The following CAND1 variants were observed in gnomAD, a reference collection of about 807,000 sequenced individuals.
CAND1 encodes the protein cullin-associated NEDD8-dissociated protein 1.
Under a neutral mutation model 108.5 loss-of-function variants are expected in CAND1, and 7 were observed. That is an observed-to-expected ratio of 0.06 (90% CI 0.04 to 0.12). CAND1 has a LOEUF of 0.12. Among genes scored for constraint, CAND1 ranks in the 10% least tolerant of loss-of-function variants. The pLI is 1.00. For synonymous variants in CAND1, 534 were observed against 512.0 expected (o/e 1.04, Z -0.58); for missense variants, 941 against 1,448.7 (o/e 0.65, Z 5.69).
At chr12:67,271,300 G>A (rs1437779142) in intron 1 of CAND1, among the ~76,000 whole-genome samples, 1 of 152,108 alleles carries the variant, frequency 6.6e-6, no homozygotes, top group Non-Finnish European at 1.5e-5. Flanking sequence ...TTTGATTTTT[G>A]GGGCTTTGCT....
chr12:67,282,958 A>G (rs989903504), intron 2 of CAND1, among the ~76,000 whole-genome samples: 2 of 152,166 alleles, frequency 1.3e-5, no homozygotes, highest in Non-Finnish European at 2.9e-5. Context: ...TTCTCAATAA[A>G]TTCCATTAAC....
chr12:67,289,960 A>C (rs2093458427), intron 2 of CAND1, among the ~76,000 whole-genome samples: 2 of 152,154 alleles, frequency 1.3e-5, no homozygotes, highest in African/African-American at 4.8e-5. Flanking sequence ...TTAAATTTTC[A>C]TGATGTTACT....
In CAND1 at chr12:67,310,022, T is replaced by A. The variant is rs933130892; in HGVS notation, c.3147T>A (p.Leu1049=). 1 of 1,612,582 alleles carries A rather than the reference T, an allele frequency of 6.2e-7. No homozygotes were observed. Among genetic ancestry groups the A allele is most frequent in the Non-Finnish European group, 8.5e-7 (1 of 1,178,896 alleles). ...SLIRDLLDTV[L]PHLYNETKVR... ...TAAGGGATCTATTGGATACTGTTCT[T>A]CCACATCTTTACAATGAAACAAAAG... Residue 1049 remains leucine (L), a synonymous_variant, in exon 12 of 15, where the codon CTT becomes CTA. Transcript: ENST00000545606.
At chr12:67,282,902 T>C (rs1230331745) in intron 2 of CAND1, among the ~76,000 whole-genome samples, 4 of 152,204 alleles carry the variant, frequency 2.6e-5, no homozygotes, top group Admixed American at 2.6e-4. Context: ...CTATGCATGA[T>C]GTTGGCAGTT....
intron 11 of CAND1, among the ~76,000 whole-genome samples, chr12:67,308,255 A>G (rs1212011323): frequency 2.6e-5 from 4 of 152,116 alleles, no homozygotes; most frequent in Non-Finnish European, 5.9e-5. Flanking sequence ...CCAGAAAGAA[A>G]AAAAATACAA....
chr12:67,319,665 A>G lies in CAND1; in HGVS notation c.*6835A>G, dbSNP rs1435237077. The G allele has an allele frequency of 6.6e-6, 1 of 152,208 alleles. No homozygotes were observed. Among genetic ancestry groups the G allele is most frequent in the Non-Finnish European group, 1.5e-5 (1 of 68,046 alleles). The allele number at this position is 152,208 out of a possible 1,614,324, so 9.4% of individuals were successfully genotyped here. ...AGGGCCGACTAGTCCAGCTGTTCAC[A>G]AACAGCCCTTAATGTCAAACTGAAT... On this transcript the variant is annotated 3_prime_UTR_variant, in exon 15 of 15. Transcript: ENST00000545606.
At chr12:67,304,065 C>T (rs1348557328) in intron 8 of CAND1, among the ~76,000 whole-genome samples, 2 of 150,626 alleles carry the variant, frequency 1.3e-5, no homozygotes, top group African/African-American at 2.4e-5. Context: ...TCTCGGCTCA[C>T]TGCAACCTCC....
Position 67,295,064 on chromosome 12 carries a change from G to C in CAND1, c.399G>C (p.Lys133Asn). The C allele has an allele frequency of 6.2e-7, 1 of 1,612,864 alleles. No homozygotes were observed. Among genetic ancestry groups the C allele is most frequent in the South Asian group, 1.1e-5 (1 of 90,980 alleles). ...CATTAGCTGCTAATGTATGTAAAAA[G>C]ATTACTGGACGTCTTACAAGTGCAA... is the stretch of plus-strand genomic sequence containing the variant. ...GSALAANVCK[K>N]ITGRLTSAIA... Residue 133 changes from lysine (K) to asparagine (N), a missense_variant, in exon 4 of 15, where the codon AAG (lysine) becomes AAC (asparagine). By Grantham distance (94) the Lys-to-Asn change is moderately conservative. Around this residue, in one of 9 missense-constraint regions of CAND1, gnomAD observed 697 missense variants for 942.0 expected, o/e 0.74. Coordinates refer to ENST00000545606, the MANE Select transcript of CAND1 (RefSeq NM_018448.5).
Position 67,295,206 on chromosome 12 carries a change from A to G in CAND1, c.491+50A>G, listed in dbSNP as rs376805802. 3.3e-6 allele frequency: 5 copies of G among 1,507,626 alleles called. No homozygotes were observed. In the African/African-American group the frequency reaches 4.2e-5, roughly 13 times the overall value. The allele number at this position is 1,507,626 out of a possible 1,614,324, so 93.4% of individuals were successfully genotyped here. A position where few individuals can be genotyped will look rare whatever the true frequency, so the allele number is the denominator to read the frequency against. On this transcript the variant is annotated intron_variant, in intron 4 of 14. Coordinates refer to ENST00000545606, the MANE Select transcript of CAND1 (RefSeq NM_018448.5). ...TACTCGTAATACAGATAACTACATT[A>G]ATTTACTAAAAACCCTTTCTAGTAA...
At chr12:67,281,054 A>G (rs949363018) in intron 1 of CAND1, among the ~76,000 whole-genome samples, 1 of 152,120 alleles carries the variant, frequency 6.6e-6, no homozygotes, top group Non-Finnish European at 1.5e-5. Context: ...CAGCCTGGGC[A>G]ACATGGTGAA....
At chr12:67,297,922 T>G (rs2136010177) in intron 6 of CAND1, 69 bp downstream of exon 6, 5 of 825,240 alleles carry the variant, frequency 6.1e-6, no homozygotes, top group South Asian at 5.1e-5. Context: ...AGGTCTACAT[T>G]AGGTGTGTGA....
Position 67,305,998 on chromosome 12 carries a change from G to A in CAND1, c.2330G>A (p.Arg777His), listed in dbSNP as rs763189890. The A allele has an allele frequency of 1.1e-5, 17 of 1,614,078 alleles. No individual in the cohort carries two copies. Among genetic ancestry groups the A allele is most frequent in the African/African-American group, 2.7e-5 (2 of 75,040 alleles). Residue 777 changes from arginine to histidine, a missense_variant, in exon 10 of 15, where the codon CGC becomes CAC. This residue lies in a region of CAND1 where 697 missense variants were observed against 942.0 expected (regional missense o/e 0.74). Coordinates refer to ENST00000545606, the MANE Select transcript of CAND1 (RefSeq NM_018448.5). The surrounding 1 kb of genome is among the most constrained non-coding windows in gnomAD (Gnocchi z 4.4). ...TNNLGYMDLL[R>H]MLTGPVYSQS... ...AATTTAGGATACATGGATTTGTTGC[G>A]CATGCTGACTGGTCCAGTTTACTCT...
At position 67,311,682 on chromosome 12, in the gene CAND1, A is replaced by T. The variant is rs1331576839; in HGVS notation, c.3361-11A>T. The T allele has an allele frequency of 1.3e-6, 2 of 1,507,882 alleles. No individual in the cohort carries two copies. Among genetic ancestry groups the T allele is most frequent in the African/African-American group, 1.4e-5 (1 of 72,670 alleles). 93.4% of individuals were successfully genotyped at this position (1,507,882 alleles called of 1,614,324 possible). ...GTCAAATCTAAATTCTGTCTTTTTT[A>T]TTCCTAATAGATGCTGACATTTTTA... On this transcript the variant is annotated splice_polypyrimidine_tract_variant and intron_variant, in intron 13 of 14. Coordinates refer to ENST00000545606, the MANE Select transcript of CAND1 (RefSeq NM_018448.5).
chr12:67,284,195 T>C (rs943382726), intron 2 of CAND1, among the ~76,000 whole-genome samples: 11 of 152,102 alleles, frequency 7.2e-5, no homozygotes, highest in African/African-American at 2.7e-4. Flanking sequence ...AGTACTGTTC[T>C]AGAACATAGG....
intron 1 of CAND1, among the ~76,000 whole-genome samples, chr12:67,277,831 T>G (rs1433916913): frequency 6.6e-6 from 1 of 152,222 alleles, no homozygotes; most frequent in Admixed American, 6.5e-5. Context: ...CTTCATTGAT[T>G]GCCATAACCT....
intron 1 of CAND1, among the ~76,000 whole-genome samples, chr12:67,277,745 G>A (rs1283777428): frequency 6.6e-6 from 1 of 152,148 alleles, no homozygotes; most frequent in Non-Finnish European, 1.5e-5. Flanking sequence ...ACAAATAAAT[G>A]TTAATGAGTA....
rs2044889916 is a variant in CAND1 at position 67,306,682 on chromosome 12, T to C, written c.2929+85T>C. 4.8e-6 allele frequency: 5 copies of C among 1,047,506 alleles called. No individual in the cohort carries two copies. The South Asian group carries it at 6.7e-5, about 14-fold the overall frequency. 64.9% of individuals were successfully genotyped at this position (1,047,506 alleles called of 1,614,324 possible). A position where few individuals can be genotyped will look rare whatever the true frequency, so the allele number is the denominator to read the frequency against. Reference sequence around the variant, plus strand: ...GACACCTAATAAAGAAGTTAAGCCATGTCTATATTTTCTTAAACCTAAAAG... The same window carrying C: ...GACACCTAATAAAGAAGTTAAGCCACGTCTATATTTTCTTAAACCTAAAAG... On this transcript the variant is annotated intron_variant, in intron 10 of 14. Transcript: ENST00000545606.
At position 67,319,291 on chromosome 12, in the gene CAND1, A is replaced by T. The variant is rs2045037748; in HGVS notation, c.*6461A>T. ...AGCCTCAGCATCTCTCACAACTAGG[A>T]CTAACTTTTTCTTCTGACAACTATA... On this transcript the variant is annotated 3_prime_UTR_variant, in exon 15 of 15. Coordinates refer to ENST00000545606, the MANE Select transcript of CAND1 (RefSeq NM_018448.5). 1 of 152,156 alleles carries T rather than the reference A, an allele frequency of 6.6e-6. No homozygotes were observed. Among genetic ancestry groups the T allele is most frequent in the Non-Finnish European group, 1.5e-5 (1 of 68,060 alleles). 9.4% of individuals were successfully genotyped at this position (152,156 alleles called of 1,614,324 possible).
At chr12:67,300,937 G>C (rs2136012950) in intron 7 of CAND1, among the ~76,000 whole-genome samples, 1 of 152,150 alleles carries the variant, frequency 6.6e-6, no homozygotes, top group Non-Finnish European at 1.5e-5. Context: ...TTATCACTTA[G>C]TATGAATTAT....
Sources: allele counts gnomAD v4.1 joint callset (sites outside exome capture counted in the v4.1 genomes callset), GRCh38; gene constraint gnomAD v4.1.1; regional missense constraint gnomAD v4.1.1; non-coding constraint Gnocchi (gnomAD v3.1); transcripts MANE v1.5; gene names NCBI Gene and HGNC (gene_info 2026-07-23, HGNC 2026-07-21).